Variants in EREG observed in about 807,000 individuals in gnomAD.
EREG encodes the protein epiregulin.
In EREG, 23 loss-of-function variants were observed where a neutral mutation model predicts 22.4. The ratio of observed to expected loss-of-function variants is 1.03; its 90% CI spans 0.74 to 1.46. EREG has a LOEUF of 1.46. Ranked by LOEUF, EREG falls within the 40% of genes most tolerant of loss-of-function variation. The probability of loss-of-function intolerance (pLI) is 0.00; values close to 1 mark genes in which losing one functional copy is unlikely to be tolerated. For missense variants in EREG, 226 were observed against 205.9 expected (o/e 1.10, Z -0.60); for synonymous variants, 100 against 75.4 (o/e 1.33, Z -1.69).
chr4:74,378,698 T>G (rs1266104147), intron 1 of EREG, among the ~76,000 whole-genome samples: 10 of 152,178 alleles, frequency 6.6e-5, no homozygotes, highest in Non-Finnish European at 4.4e-5. Flanking sequence ...ATCTGTGAAA[T>G]TACAAGGGTT....
chr4:74,368,217 T>C (rs1242414609), intron 1 of EREG, among the ~76,000 whole-genome samples: 1 of 152,208 alleles, frequency 6.6e-6, no homozygotes, highest in Non-Finnish European at 1.5e-5. Flanking sequence ...ACTTTCTGAC[T>C]CTGTGCAAAA....
At chr4:74,366,363 T>A (rs947989186) in intron 1 of EREG, among the ~76,000 whole-genome samples, 3 of 152,178 alleles carry the variant, frequency 2.0e-5, no homozygotes, top group African/African-American at 7.2e-5. Flanking sequence ...GTTAAATTAT[T>A]ATTTTGGCAC....
At chr4:74,375,890 A>G (rs913458822) in intron 1 of EREG, among the ~76,000 whole-genome samples, 1 of 152,234 alleles carries the variant, frequency 6.6e-6, no homozygotes, top group Non-Finnish European at 1.5e-5. Context: ...ATTTGAAAGG[A>G]ACATTTAAAA....
chr4:74,379,112 A>G (rs1202829742), intron 1 of EREG, among the ~76,000 whole-genome samples: 1 of 152,188 alleles, frequency 6.6e-6, no homozygotes, highest in African/African-American at 2.4e-5. Context: ...TGAACACATG[A>G]TGGAATAAAA....
At chr4:74,368,176 C>A (rs891044516) in intron 1 of EREG, among the ~76,000 whole-genome samples, 3 of 152,070 alleles carry the variant, frequency 2.0e-5, no homozygotes, top group African/African-American at 7.2e-5. Flanking sequence ...GGGTTCAGAC[C>A]CTCTCATAGG....
chr4:74,367,013 C>A (rs927832856), intron 1 of EREG, among the ~76,000 whole-genome samples: 10 of 152,172 alleles, frequency 6.6e-5, no homozygotes, highest in Non-Finnish European at 1.0e-4. Context: ...TCTGAAATTG[C>A]CTTCTTTCCC....
chr4:74,379,200 A>G (rs1380544271), intron 1 of EREG, among the ~76,000 whole-genome samples: 1 of 152,208 alleles, frequency 6.6e-6, no homozygotes. Context: ...TTACTGTGAA[A>G]TATTTAGAGC....
chr4:74,376,426 A>C (rs1034570855), intron 1 of EREG, among the ~76,000 whole-genome samples: 1 of 152,232 alleles, frequency 6.6e-6, no homozygotes, highest in South Asian at 2.1e-4. Context: ...TGTACCGAGG[A>C]AACTGTATTA....
chr4:74,378,106 C>T (rs10518125), intron 1 of EREG, among the ~76,000 whole-genome samples: 1,661 of 152,262 alleles, frequency 0.011, 17 homozygotes, highest in African/African-American at 0.024. Flanking sequence ...GCTACTTCAA[C>T]GAAACAGGTT....
Position 74,384,892 on chromosome 4 carries a change from G to T in EREG, c.*84G>T. ...CCATTTTATTAATAATATTTATGTTGGGTCAAGTGTTAGGTCAATAACACT... is the reference window on the plus strand; with the variant it reads ...CCATTTTATTAATAATATTTATGTTTGGTCAAGTGTTAGGTCAATAACACT... On this transcript the variant is annotated 3_prime_UTR_variant, in exon 5 of 5. Coordinates refer to ENST00000244869, the MANE Select transcript of EREG (RefSeq NM_001432.3). 1 of 789,556 alleles carries T rather than the reference G, an allele frequency of 1.3e-6. No homozygotes were observed. Among genetic ancestry groups the T allele is most frequent in the Non-Finnish European group, 2.1e-6 (1 of 474,306 alleles). The allele number at this position is 789,556 out of a possible 1,614,324, so 48.9% of individuals were successfully genotyped here.
rs1178674992 is a variant in EREG at position 74,386,804 on chromosome 4, C to A, written c.*1996C>A. On this transcript the variant is annotated 3_prime_UTR_variant, in exon 5 of 5. Coordinates refer to ENST00000244869, the MANE Select transcript of EREG (RefSeq NM_001432.3). Reference sequence around the variant, plus strand: ...AACAACTATTTACTTTTTTTTTTTTCTTTTTGAGATGGAGTCTCGCTCTGT... The same window carrying A: ...AACAACTATTTACTTTTTTTTTTTTATTTTTGAGATGGAGTCTCGCTCTGT... The A allele has an allele frequency of 6.9e-6, 1 of 144,908 alleles. No homozygotes were observed. The highest frequency in any genetic ancestry group is 1.5e-5 in the Non-Finnish European group (1 of 66,176). 9.0% of individuals were successfully genotyped at this position (144,908 alleles called of 1,614,324 possible). A position where few individuals can be genotyped will look rare whatever the true frequency, so the allele number is the denominator to read the frequency against.
At chr4:74,375,115 G>C (rs1266121113) in intron 1 of EREG, among the ~76,000 whole-genome samples, 1 of 152,022 alleles carries the variant, frequency 6.6e-6, no homozygotes, top group African/African-American at 2.4e-5. Flanking sequence ...TAGTATCGTA[G>C]TGAATTATTT....
chr4:74,369,931 T>G (rs1014678379), intron 1 of EREG, among the ~76,000 whole-genome samples: 3 of 152,078 alleles, frequency 2.0e-5, no homozygotes, highest in African/African-American at 4.8e-5. Context: ...AGAGCTGTCA[T>G]CATAAAAATG....
At chr4:74,384,636 A>G (rs1022699467) in intron 4 of EREG, 91 bp from the exon 5 acceptor site, 6 of 663,244 alleles carry the variant, frequency 9.0e-6, no homozygotes, top group South Asian at 4.3e-5. Context: ...TGGAAACACT[A>G]TGCTAATGTG....
At chr4:74,377,531 G>A (rs570790859) in intron 1 of EREG, among the ~76,000 whole-genome samples, 7 of 152,212 alleles carry the variant, frequency 4.6e-5, no homozygotes, top group African/African-American at 1.7e-4. Context: ...GGCCCTGAGA[G>A]GACTAAATAA....
chr4:74,381,412 G>A (rs902829675), intron 3 of EREG: 1 of 238,808 alleles, frequency 4.2e-6, no homozygotes, highest in Non-Finnish European at 8.0e-6. Flanking sequence ...GTGAGAACAT[G>A]TGATAAACAA....
chr4:74,365,335 G>A lies in EREG; in HGVS notation c.27G>A (p.Met9Ile), dbSNP rs756316295. The change falls in exon 1 of 5, where the codon ATG (methionine) becomes ATA (isoleucine). Residue 9 changes from methionine (M) to isoleucine (I), a missense_variant. Transcript: ENST00000244869. The part of the protein sequence containing the change: MTAGRRME[M>I]LCAGRVPALL... ...TGACCGCGGGGAGGAGGATGGAGAT[G>A]CTCTGTGCCGGCAGGGTCCCTGCGC... 1 of 1,608,724 alleles carries A rather than the reference G, an allele frequency of 6.2e-7. No homozygotes were observed. Among genetic ancestry groups the A allele is most frequent in the East Asian group, 2.2e-5 (1 of 44,854 alleles).
rs572300999 is a variant in EREG at position 74,382,808 on chromosome 4, G to T, written c.428+14G>T. ...TTTCTGCAGATGGTAAGTCAGTGTG[G>T]TTTTATACTCTGCTTTTACAAATTA... is the stretch of plus-strand genomic sequence containing the variant. On this transcript the variant is annotated intron_variant, in intron 4 of 4. Coordinates refer to ENST00000244869, the MANE Select transcript of EREG (RefSeq NM_001432.3). 8.8e-5 allele frequency: 140 copies of T among 1,599,212 alleles called. 2 individuals are homozygous for T. The South Asian group carries it at 1.5e-3, about 17-fold the overall frequency.
intron 4 of EREG, among the ~76,000 whole-genome samples, chr4:74,383,577 G>A (rs2110389965): frequency 6.6e-6 from 1 of 152,242 alleles, no homozygotes; most frequent in East Asian, 1.9e-4. Context: ...AGGAGCAAAG[G>A]ATGGGAACAG....
Sources: gnomAD v4.1 joint callset for allele counts (sites outside exome capture counted in the v4.1 genomes callset) on GRCh38, gnomAD v4.1.1 for gene constraint, MANE v1.5 for transcripts, NCBI Gene and HGNC (gene_info 2026-07-23, HGNC 2026-07-21) for gene names.